Variants in MSRA observed in about 807,000 individuals in gnomAD.
The protein encoded by MSRA is methionine sulfoxide reductase A, also known as mitochondrial peptide methionine sulfoxide reductase.
MSRA carries 54 observed loss-of-function variants against 31.3 expected under a neutral mutation model. The ratio of observed to expected loss-of-function variants is 1.73; its 90% confidence interval spans 1.39 to 2.17. The LOEUF (loss-of-function observed/expected upper bound fraction) is 2.17, where lower values mean the gene tolerates loss of function less well. Among genes scored for constraint, MSRA ranks in the 30% most tolerant of loss-of-function variants. MSRA has a pLI of 0.00. For missense variants in MSRA, 507 were observed against 300.9 expected (o/e 1.69, Z -5.07); for synonymous variants, 169 against 116.5 (o/e 1.45, Z -2.90).
At chr8:10,085,148 G>T (rs1165051279) in intron 1 of MSRA, among the ~76,000 whole-genome samples, 1 of 152,208 alleles carries the variant, frequency 6.6e-6, no homozygotes, top group African/African-American at 2.4e-5. Flanking sequence ...GTCTTAGCTA[G>T]CCTGGGGCTC....
At chr8:10,399,631 T>C (rs1339232997) in intron 5 of MSRA, among the ~76,000 whole-genome samples, 1 of 152,212 alleles carries the variant, frequency 6.6e-6, no homozygotes, top group Admixed American at 6.5e-5. Context: ...TTCAACCTCT[T>C]TTCTTTACAA....
At chr8:10,403,148 C>T (rs1176871485) in intron 5 of MSRA, among the ~76,000 whole-genome samples, 2 of 152,126 alleles carry the variant, frequency 1.3e-5, no homozygotes, top group Admixed American at 6.5e-5. Flanking sequence ...TTAAAATGTC[C>T]CAGGGCTGGC....
At chr8:10,166,837 T>A (rs1460966626) in intron 1 of MSRA, among the ~76,000 whole-genome samples, 1 of 152,162 alleles carries the variant, frequency 6.6e-6, no homozygotes, top group Non-Finnish European at 1.5e-5. Context: ...TACCCCAGAA[T>A]TGCAACCCTG....
chr8:10,278,742 C>A (rs13278498), intron 3 of MSRA, among the ~76,000 whole-genome samples: 42,673 of 152,136 alleles, frequency 0.28, 6,231 homozygotes, highest in East Asian at 0.33. Flanking sequence ...GAAGAAAGGG[C>A]AGAAATGGTT....
intron 1 of MSRA, among the ~76,000 whole-genome samples, chr8:10,057,441 T>G (rs1292579397): frequency 1.3e-5 from 2 of 152,226 alleles, no homozygotes; most frequent in Non-Finnish European, 2.9e-5. Flanking sequence ...AATTAAAACC[T>G]CAGAGTGCCT....
At chr8:10,116,230 A>G (rs1304717987) in intron 1 of MSRA, among the ~76,000 whole-genome samples, 1 of 152,182 alleles carries the variant, frequency 6.6e-6, no homozygotes, top group Non-Finnish European at 1.5e-5. Context: ...CCTAACCCAT[A>G]TTCATAAACT....
chr8:10,404,387 G>T (rs745919842), intron 5 of MSRA, among the ~76,000 whole-genome samples: 2 of 152,238 alleles, frequency 1.3e-5, no homozygotes, highest in African/African-American at 2.4e-5. Flanking sequence ...AGGCAGGGAA[G>T]TGACGATCCC....
intron 3 of MSRA, among the ~76,000 whole-genome samples, chr8:10,289,312 C>G (rs982039731): frequency 2.6e-5 from 4 of 151,954 alleles, no homozygotes; most frequent in African/African-American, 9.7e-5. Flanking sequence ...TGCACCCAGC[C>G]TTCTTTTTAA....
chr8:10,252,660 T>C (rs1015122540), intron 3 of MSRA, among the ~76,000 whole-genome samples: 3 of 152,216 alleles, frequency 2.0e-5, no homozygotes, highest in Non-Finnish European at 2.9e-5. Flanking sequence ...GGCTGGGGAC[T>C]GCCTGGGCCT....
chr8:10,177,797 G>T (rs971338132), intron 1 of MSRA, among the ~76,000 whole-genome samples: 1 of 152,158 alleles, frequency 6.6e-6, no homozygotes, highest in East Asian at 1.9e-4. Context: ...AAGAAGAAAA[G>T]CTGTGGATGC....
At chr8:10,065,253 G>T (rs1254893140) in intron 1 of MSRA, among the ~76,000 whole-genome samples, 1 of 152,160 alleles carries the variant, frequency 6.6e-6, no homozygotes, top group Admixed American at 6.5e-5. Context: ...CACTCAGGCA[G>T]TCTGTCCCTG....
intron 5 of MSRA, among the ~76,000 whole-genome samples, chr8:10,392,212 C>T (rs775203533): frequency 5.3e-5 from 8 of 152,196 alleles, no homozygotes; most frequent in Non-Finnish European, 8.8e-5. Context: ...TCTGGGCTGG[C>T]CAGACTCCAG....
At chr8:10,134,607 C>A (rs992065310) in intron 1 of MSRA, among the ~76,000 whole-genome samples, 2 of 152,172 alleles carry the variant, frequency 1.3e-5, no homozygotes, top group East Asian at 3.9e-4. Flanking sequence ...TTACCCGTGA[C>A]CTGTGGTCAT....
At chr8:10,373,529 G>C (rs1436201721) in intron 5 of MSRA, among the ~76,000 whole-genome samples, 3 of 152,364 alleles carry the variant, frequency 2.0e-5, no homozygotes, top group African/African-American at 7.2e-5. Context: ...GAGCTACCTT[G>C]CCCAGCTACT....
intron 3 of MSRA, among the ~76,000 whole-genome samples, chr8:10,279,787 T>A (rs1220901728): frequency 6.6e-6 from 1 of 152,216 alleles, no homozygotes; most frequent in East Asian, 1.9e-4. Context: ...ATGTTTAGCA[T>A]CCATTATGCC....
At chr8:10,292,733 G>A (rs1800310648) in intron 3 of MSRA, among the ~76,000 whole-genome samples, 1 of 152,212 alleles carries the variant, frequency 6.6e-6, no homozygotes, top group Non-Finnish European at 1.5e-5. Context: ...AAGCAGGCAG[G>A]GCTTGGACTG....
At chr8:10,119,909 A>T (rs1203058639) in intron 1 of MSRA, among the ~76,000 whole-genome samples, 1 of 152,196 alleles carries the variant, frequency 6.6e-6, no homozygotes, top group Non-Finnish European at 1.5e-5. Context: ...AACCAACAAG[A>T]GCTGGCAGAG....
At chr8:10,126,454 G>A (rs1299486796) in intron 1 of MSRA, among the ~76,000 whole-genome samples, 3 of 152,176 alleles carry the variant, frequency 2.0e-5, no homozygotes, top group East Asian at 1.9e-4. Context: ...GGGCAGGGGC[G>A]ATGGTTTCAG....
chr8:10,367,113 T>C (rs1805211551), intron 5 of MSRA, among the ~76,000 whole-genome samples: 1 of 152,206 alleles, frequency 6.6e-6, no homozygotes, highest in Admixed American at 6.5e-5. Flanking sequence ...AATCACACAC[T>C]GTCCCACTCC....
Sources: gnomAD v4.1 joint callset for allele counts (sites outside exome capture counted in the v4.1 genomes callset) on GRCh38, gnomAD v4.1.1 for gene constraint, MANE v1.5 for transcripts, NCBI Gene and HGNC (gene_info 2026-07-23, HGNC 2026-07-21) for gene names.